LRBA: variants seen among roughly 807,000 people sequenced by gnomAD.
The protein encoded by LRBA is lipopolysaccharide-responsive and beige-like anchor protein.
In LRBA, 176 loss-of-function variants were observed where a neutral mutation model predicts 330.0. The ratio of observed to expected loss-of-function variants is 0.53; its 90% CI spans 0.47 to 0.60. The LOEUF is 0.60. Ranked by LOEUF, LRBA falls within the 20% of genes least tolerant of loss-of-function variation. LRBA has a pLI of 0.00. For missense variants in LRBA, 3,259 were observed against 3,444.8 expected (o/e 0.95, Z 1.35); for synonymous variants, 1,230 against 1,193.0 (o/e 1.03, Z -0.64).
chr4:150,809,021 A>C (rs1426951008), intron 31 of LRBA, among the ~76,000 whole-genome samples: 1 of 152,212 alleles, frequency 6.6e-6, no homozygotes. Context: ...GTGATTAGAA[A>C]CACATCAAGG....
At chr4:150,824,424 C>T (rs1035303925) in intron 30 of LRBA, among the ~76,000 whole-genome samples, 8 of 152,208 alleles carry the variant, frequency 5.3e-5, no homozygotes, top group Non-Finnish European at 1.2e-4. Context: ...TGTCTGATTG[C>T]TTTACCTAGG....
chr4:150,877,686 T>C (rs571676610), intron 17 of LRBA, among the ~76,000 whole-genome samples: 4 of 152,152 alleles, frequency 2.6e-5, no homozygotes, highest in Non-Finnish European at 4.4e-5. Flanking sequence ...TTGGACCTAA[T>C]AGACATCTAT....
intron 37 of LRBA, among the ~76,000 whole-genome samples, chr4:150,657,833 T>A (rs1364819342): frequency 6.6e-6 from 1 of 152,186 alleles, no homozygotes; most frequent in Admixed American, 6.5e-5. Context: ...ATTAATAATA[T>A]AAGATTTAAC....
intron 24 of LRBA, among the ~76,000 whole-genome samples, chr4:150,849,976 TAAAA>T (rs905917321): frequency 2.6e-5 from 4 of 151,270 alleles, no homozygotes; most frequent in Admixed American, 6.6e-5. Context: ...CTTACACAAA[TAAAA>T]AAAAATAAAT....
chr4:150,318,522 A>C (rs553786097), intron 50 of LRBA, among the ~76,000 whole-genome samples: 62 of 152,298 alleles, frequency 4.1e-4, no homozygotes, highest in Middle Eastern at 3.4e-3. Context: ...TGTTTGTTTT[A>C]AATCAAGGCA....
chr4:150,765,536 T>C (rs1735656632), intron 34 of LRBA, among the ~76,000 whole-genome samples: 1 of 152,076 alleles, frequency 6.6e-6, no homozygotes, highest in African/African-American at 2.4e-5. Context: ...TCTCTACCTT[T>C]TGATGAATTT....
intron 47 of LRBA, among the ~76,000 whole-genome samples, chr4:150,372,812 T>G (rs1228402610): frequency 6.9e-6 from 1 of 145,036 alleles, no homozygotes; most frequent in African/African-American, 2.5e-5. Flanking sequence ...AGATGGCCCT[T>G]GATGATTTTC....
At chr4:150,775,485 AC>A (rs748268082) in intron 34 of LRBA, among the ~76,000 whole-genome samples, 11,232 of 150,036 alleles carry the variant, frequency 0.075, 595 homozygotes, top group Middle Eastern at 0.11. Flanking sequence ...ACACACACAC[AC>A]ACACACACAC....
intron 2 of LRBA, among the ~76,000 whole-genome samples, chr4:150,982,591 T>C (rs1299975357): frequency 6.9e-6 from 1 of 145,174 alleles, no homozygotes; most frequent in African/African-American, 2.7e-5. Flanking sequence ...TTTTGTTTCA[T>C]TTGTATTTGC....
At chr4:150,505,445 T>A (rs1760925269) in intron 40 of LRBA, among the ~76,000 whole-genome samples, 1 of 152,134 alleles carries the variant, frequency 6.6e-6, no homozygotes, top group Non-Finnish European at 1.5e-5. Flanking sequence ...ACCGCTCAAC[T>A]ACATGGAAAC....
Position 150,295,045 on chromosome 4 carries a change from A to G in LRBA, c.8017+7580T>C, listed in dbSNP as rs182981659. ...TTTCATTGAAAGTATATTTCATCCTATGCTGCATAAAAGCTAATTAGAGAT... is the reference window on the plus strand; with the variant it reads ...TTTCATTGAAAGTATATTTCATCCTGTGCTGCATAAAAGCTAATTAGAGAT... On this transcript the variant is annotated intron_variant, in intron 53 of 56. Coordinates refer to ENST00000651943, the MANE Select transcript of LRBA (RefSeq NM_001364905.1). Among the ~76,000 whole-genome samples the G allele has an allele frequency of 1.4e-3, 212 of 152,068 alleles. 1 individual carries two copies. Among genetic ancestry groups the G allele is most frequent in the African/African-American group, 4.2e-3 (173 of 41,496 alleles).
At chr4:150,874,283 C>G (rs1311084110) in intron 17 of LRBA, among the ~76,000 whole-genome samples, 1 of 152,086 alleles carries the variant, frequency 6.6e-6, no homozygotes, top group Admixed American at 6.5e-5. Context: ...CTCCCAAGAC[C>G]TGGAGCTAAC....
chr4:150,273,875 C>T (rs1746441620), intron 56 of LRBA, among the ~76,000 whole-genome samples: 1 of 152,010 alleles, frequency 6.6e-6, no homozygotes, highest in African/African-American at 2.4e-5. Context: ...ATTTTAACAC[C>T]CCACTGTCAA....
intron 54 of LRBA, among the ~76,000 whole-genome samples, chr4:150,284,237 T>C (rs1055969628): frequency 6.6e-5 from 10 of 152,042 alleles, no homozygotes; most frequent in Non-Finnish European, 1.3e-4. Flanking sequence ...AAGCCTCACA[T>C]TAAAGGAATT....
intron 2 of LRBA, among the ~76,000 whole-genome samples, chr4:150,981,210 G>A (rs371681554): frequency 1.3e-5 from 2 of 151,204 alleles, no homozygotes; most frequent in African/African-American, 2.4e-5. Context: ...TCCGAAGTTC[G>A]AGACCAGCCT....
chr4:150,815,995 G>A (rs1011561431), intron 31 of LRBA, among the ~76,000 whole-genome samples: 3 of 151,834 alleles, frequency 2.0e-5, no homozygotes, highest in South Asian at 2.1e-4. Context: ...ACAAATAAAA[G>A]AGAAGACAAA....
Position 150,798,124 on chromosome 4 carries a change from G to C in LRBA, c.5537C>G (p.Ser1846Trp). Reference sequence around the variant, plus strand: ...AACCAATTCCACAACTGAACTACTCGACTTCATGCAAACCAGACCTATTTT... The same window carrying C: ...AACCAATTCCACAACTGAACTACTCCACTTCATGCAAACCAGACCTATTTT... ...IEGTSLVCMK[S>W]SSSVVELVML... Residue 1846 changes from serine (S) to tryptophan (W), a missense_variant, in exon 34 of 57, where the codon TCG becomes TGG. Ser to Trp is a radical substitution (Grantham distance 177). Transcript: ENST00000651943. The C allele has an allele frequency of 6.2e-7, 1 of 1,606,636 alleles. No homozygotes were observed. The highest frequency in any genetic ancestry group is 1.1e-5 in the South Asian group (1 of 90,848).
In LRBA at chr4:150,306,591, T is replaced by C. The variant is rs548527491; in HGVS notation, c.7849+3638A>G. On this transcript the variant is annotated intron_variant, in intron 52 of 56. Transcript: ENST00000651943. Reference sequence around the variant, plus strand: ...ATTTCACAAGCTAAGTCAGTCCCACTGAAATGAAGTTTAAGGCTATTCCTT... The same window carrying C: ...ATTTCACAAGCTAAGTCAGTCCCACCGAAATGAAGTTTAAGGCTATTCCTT... 3.3e-5 allele frequency among the ~76,000 whole-genome samples: 5 copies of C among 152,298 alleles called. No individual in the cohort carries two copies. In the South Asian group the frequency reaches 1.0e-3, roughly 32 times the overall value.
chr4:150,515,590 A>G (rs1285159636), intron 40 of LRBA, among the ~76,000 whole-genome samples: 1 of 152,152 alleles, frequency 6.6e-6, no homozygotes, highest in African/African-American at 2.4e-5. Flanking sequence ...TACAATAATA[A>G]TTATCACCAG....
Sources: allele counts gnomAD v4.1 joint callset (sites outside exome capture counted in the v4.1 genomes callset), GRCh38; gene constraint gnomAD v4.1.1; transcripts MANE v1.5; gene names NCBI Gene and HGNC (gene_info 2026-07-23, HGNC 2026-07-21).